KLRG1: variants seen among roughly 807,000 people sequenced by gnomAD.
The protein encoded by KLRG1 is killer cell lectin-like receptor subfamily G member 1.
In KLRG1, 16 loss-of-function variants were observed where a neutral mutation model predicts 21.8. The ratio of observed to expected loss-of-function variants is 0.73; its 90% confidence interval spans 0.50 to 1.11. The LOEUF (loss-of-function observed/expected upper bound fraction) is 1.11. KLRG1 is among the 50% of genes most tolerant of loss of function. The probability of loss-of-function intolerance (pLI) is 0.00; values close to 1 mark genes in which losing one functional copy is unlikely to be tolerated. For missense variants in KLRG1, 173 were observed against 218.3 expected (o/e 0.79, Z 1.31); for synonymous variants, 69 against 75.9 (o/e 0.91, Z 0.47).
the KLRG1 span, among the ~76,000 whole-genome samples, chr12:9,198,687 TACAC>T: frequency 2.0e-5 from 3 of 152,180 alleles, no homozygotes; most frequent in African/African-American, 7.2e-5. Flanking sequence ...AACAGAATAA[TACAC>T]AATAATTTTG....
At chr12:9,183,822 A>G in the KLRG1 span, among the ~76,000 whole-genome samples, 35,799 of 152,116 alleles carry the variant, frequency 0.24, 4,328 homozygotes, top group East Asian at 0.36. Context: ...AACATTACTT[A>G]TTTTATATCA....
intron 2 of KLRG1, among the ~76,000 whole-genome samples, chr12:8,994,436 G>C (rs1947070067): frequency 6.6e-6 from 1 of 152,172 alleles, no homozygotes; most frequent in East Asian, 1.9e-4. Flanking sequence ...GTATTTAAAA[G>C]AGCTCGGTTA....
At chr12:9,091,821 T>C in the KLRG1 span, among the ~76,000 whole-genome samples, 1 of 152,194 alleles carries the variant, frequency 6.6e-6, no homozygotes, top group Non-Finnish European at 1.5e-5. Flanking sequence ...GAGGGATCTC[T>C]TACAGGCAAT....
At chr12:8,995,407 G>T (rs1592268699) in intron 3 of KLRG1, 119 bp downstream of exon 3, 4 of 855,712 alleles carry the variant, frequency 4.7e-6, no homozygotes, top group Non-Finnish European at 5.3e-6. Context: ...CTGTGATTTG[G>T]GGGGGATACT....
rs1269883970 is a variant in KLRG1 at position 9,003,878 on chromosome 12, A to G, written c.358-5097A>G. On this transcript the variant is annotated intron_variant, in intron 3 of 4. Transcript: ENST00000356986. Reference sequence around the variant, plus strand: ...CTTCCCCCACCCCACAACTGTCCCCAGAGTGTGATGTTCCCCTTCCTGTGT... The same window carrying G: ...CTTCCCCCACCCCACAACTGTCCCCGGAGTGTGATGTTCCCCTTCCTGTGT... Among the ~76,000 whole-genome samples the G allele has an allele frequency of 3.0e-5, 4 of 132,904 alleles. No homozygotes were observed. In the South Asian group the frequency reaches 7.5e-4, roughly 25 times the overall value. 87.2% of individuals were successfully genotyped at this position (132,904 alleles called of 152,430 possible). A position where few individuals can be genotyped will look rare whatever the true frequency, so the allele number is the denominator to read the frequency against.
At chr12:9,020,770 G>A in the KLRG1 span, among the ~76,000 whole-genome samples, 2 of 152,098 alleles carry the variant, frequency 1.3e-5, no homozygotes, top group Admixed American at 6.6e-5. Context: ...TTTTTTCTTG[G>A]CTAAATGCCT....
chr12:9,154,399 C>A, the KLRG1 span, among the ~76,000 whole-genome samples: 92,254 of 151,998 alleles, frequency 0.61, 28,391 homozygotes, highest in East Asian at 0.9. Flanking sequence ...GCTCGTTGTA[C>A]GTCTCCATGT....
the KLRG1 span, chr12:9,161,073 A>G: frequency 2.5e-6 from 4 of 1,604,134 alleles, no homozygotes; most frequent in Non-Finnish European, 3.4e-6. Flanking sequence ...CTTTGACCAC[A>G]TTTGATGGGA....
At position 9,009,716 on chromosome 12, in the gene KLRG1, T is replaced by C. The variant is rs963492788; in HGVS notation, c.*179T>C. On this transcript the variant is annotated 3_prime_UTR_variant, in exon 5 of 5. Coordinates refer to ENST00000356986, the MANE Select transcript of KLRG1 (RefSeq NM_005810.4). ...TGATGCCTAACTGATGGATTCTCTT[T>C]GAGACTATTTAGATATTATGTGAGC... is the stretch of plus-strand genomic sequence containing the variant. 3 of 1,424,242 alleles carry C rather than the reference T, an allele frequency of 2.1e-6. No homozygotes were observed. The highest frequency in any genetic ancestry group is 3.0e-5 in the Admixed American group (1 of 33,688). 88.2% of individuals were successfully genotyped at this position (1,424,242 alleles called of 1,614,324 possible). A position where few individuals can be genotyped will look rare whatever the true frequency, so the allele number is the denominator to read the frequency against.
chr12:9,183,963 G>A, the KLRG1 span, among the ~76,000 whole-genome samples: 1 of 152,140 alleles, frequency 6.6e-6, no homozygotes, highest in Non-Finnish European at 1.5e-5. Context: ...CCTCAAAAAG[G>A]AAATAAGCTC....
the KLRG1 span, chr12:9,109,917 T>C: frequency 1.9e-6 from 3 of 1,613,706 alleles, 1 homozygote; most frequent in East Asian, 6.7e-5. Context: ...TGATTTCTTC[T>C]GTACCACCAC....
At chr12:9,101,467 T>G in the KLRG1 span, 3 of 1,613,708 alleles carry the variant, frequency 1.9e-6, no homozygotes, top group Non-Finnish European at 2.5e-6. Flanking sequence ...AAGGAGAGCT[T>G]CTTCAGCCCC....
upstream of KLRG1, among the ~76,000 whole-genome samples, chr12:8,988,097 C>T (rs1289517153): frequency 6.6e-6 from 1 of 152,224 alleles, no homozygotes; most frequent in South Asian, 2.1e-4. Flanking sequence ...CAGCCTAGAA[C>T]TTGGCCACAG....
At chr12:8,998,967 C>T (rs941485621) in intron 3 of KLRG1, among the ~76,000 whole-genome samples, 5 of 151,992 alleles carry the variant, frequency 3.3e-5, no homozygotes, top group African/African-American at 1.2e-4. Context: ...GTGATCCTCT[C>T]GCCTTGGTCT....
the KLRG1 span, chr12:9,203,670 A>G: frequency 7.1e-7 from 1 of 1,407,812 alleles, no homozygotes; most frequent in South Asian, 1.3e-5. Flanking sequence ...TCTTAAAGTC[A>G]TACCTTGGGA....
the KLRG1 span, among the ~76,000 whole-genome samples, chr12:9,136,960 T>C: frequency 6.6e-6 from 1 of 152,180 alleles, no homozygotes; most frequent in Non-Finnish European, 1.5e-5. Context: ...TTGCAAATAT[T>C]TTCTACCATT....
chr12:9,173,525 T>C, the KLRG1 span, among the ~76,000 whole-genome samples: 5 of 151,368 alleles, frequency 3.3e-5, no homozygotes, highest in Admixed American at 2.0e-4. Flanking sequence ...AAAAAAACAA[T>C]GAATCCAGGA....
the KLRG1 span, among the ~76,000 whole-genome samples, chr12:9,078,783 T>C: frequency 6.6e-6 from 1 of 152,254 alleles, no homozygotes; most frequent in African/African-American, 2.4e-5. Flanking sequence ...AATTTTAATA[T>C]TGCTTTACTT....
downstream of KLRG1, among the ~76,000 whole-genome samples, chr12:9,011,603 G>A (rs774213713): frequency 1.3e-5 from 2 of 152,136 alleles, no homozygotes; most frequent in South Asian, 2.1e-4. Flanking sequence ...TTTTTCCCCC[G>A]CAGGAATACA....
Sources: gnomAD v4.1 joint callset for allele counts (sites outside exome capture counted in the v4.1 genomes callset) on GRCh38, gnomAD v4.1.1 for gene constraint, MANE v1.5 for transcripts, NCBI Gene and HGNC (gene_info 2026-07-23, HGNC 2026-07-21) for gene names.